The following PWWP3B variants were observed in gnomAD, a reference collection of about 807,000 sequenced individuals.
The protein encoded by PWWP3B is PWWP domain containing 3B, also known as PWWP domain-containing DNA repair factor 3B.
PWWP3B carries 5 observed loss-of-function variants against 15.7 expected under a neutral mutation model. The observed-to-expected ratio is 0.32, with a 90% confidence interval of 0.17 to 0.67. The LOEUF (loss-of-function observed/expected upper bound fraction) is 0.67. Ranked by LOEUF, PWWP3B falls within the 30% of genes least tolerant of loss-of-function variation. PWWP3B has a pLI of 0.74. For synonymous variants in PWWP3B, 203 were observed against 179.8 expected, an observed-to-expected ratio of 1.13 and a Z score of -1.03; for missense variants, 519 against 493.1, an observed-to-expected ratio of 1.05 and a Z score of -0.50.
chrX:106,183,397 G>A (rs933531557), intron 2 of PWWP3B, among the ~76,000 whole-genome samples: 3 of 111,538 alleles, frequency 2.7e-5, no homozygotes, highest in Non-Finnish European at 5.6e-5. Flanking sequence ...AAGTGGTGGG[G>A]TCTTTTAGCC....
intron 2 of PWWP3B, among the ~76,000 whole-genome samples, chrX:106,195,444 T>A (rs941002977): frequency 8.9e-5 from 10 of 111,976 alleles, no homozygotes; most frequent in African/African-American, 3.2e-4. Flanking sequence ...TACTTTTTTT[T>A]ACAAGTTATA....
At chrX:106,185,048 A>G (rs184416751) in intron 2 of PWWP3B, among the ~76,000 whole-genome samples, 4 of 111,874 alleles carry the variant, frequency 3.6e-5, no homozygotes, top group African/African-American at 6.5e-5. Context: ...TTCTCCTTCA[A>G]TGAAAAGAAA....
intron 2 of PWWP3B, among the ~76,000 whole-genome samples, chrX:106,173,320 C>T (rs1197412899): frequency 3.6e-5 from 4 of 111,796 alleles, no homozygotes; most frequent in Non-Finnish European, 5.6e-5. Flanking sequence ...CCACACAATT[C>T]CTTTTTTATT....
Position 106,207,296 on chromosome X carries a change from C to A in PWWP3B, c.1864C>A (p.Gln622Lys). ...ACAAGAAGTCTGCAATCAAATAGAT[C>A]AAATAATGCCAACTTGGATAAAAGA... is the stretch of plus-strand genomic sequence containing the variant. ...YLQEVCNQIDQIMPTWIKDDK... is the reference protein window; with the variant it reads ...YLQEVCNQIDKIMPTWIKDDK... The change falls in exon 4 of 4, where the codon CAA (glutamine) becomes AAA (lysine). Residue 622 changes from glutamine (Q) to lysine (K), a missense_variant. Gln to Lys is a moderately conservative substitution (Grantham distance 53). Transcript: ENST00000357175. The A allele has an allele frequency of 8.3e-7, 1 of 1,207,824 alleles. No individual in the cohort carries two copies. The highest frequency in any genetic ancestry group is 2.2e-5 in the Admixed American group (1 of 45,684).
At chrX:106,196,103 AAAAT>A (rs1207589251) in intron 2 of PWWP3B, among the ~76,000 whole-genome samples, 4 of 111,818 alleles carry the variant, frequency 3.6e-5, no homozygotes, top group Admixed American at 1.9e-4. Context: ...GTGTAGAAAT[AAAAT>A]AAATTATTTT....
At chrX:106,168,857 A>C (rs1395651597) in intron 1 of PWWP3B, among the ~76,000 whole-genome samples, 1 of 112,064 alleles carries the variant, frequency 8.9e-6, no homozygotes, top group African/African-American at 3.2e-5. Context: ...ATAACTGTGC[A>C]AATTCGAGTA....
rs1924005944 is a variant in PWWP3B at position 106,206,173 on chromosome X, G to C, written c.741G>C (p.Met247Ile). The change falls in exon 4 of 4, where the codon ATG becomes ATC. Residue 247 changes from methionine (M) to isoleucine (I), a missense_variant. Transcript: ENST00000357175. Reference protein sequence around the residue: ...APPLSPLSSDMLIMPKALKEE... With the variant: ...APPLSPLSSDILIMPKALKEE... ...CTTTGTCACCTTTGTCATCAGATAT[G>C]CTCATTATGCCCAAAGCTTTGAAAG... The C allele has an allele frequency of 2.5e-6, 3 of 1,206,924 alleles. No homozygotes were observed. In the Admixed American group the frequency reaches 6.6e-5, roughly 27 times the overall value.
chrX:106,207,573 GAA>G lies in PWWP3B; in HGVS notation c.*55_*56del, dbSNP rs1289839151. On this transcript the variant is annotated 3_prime_UTR_variant, in exon 4 of 4. Coordinates refer to ENST00000357175, the MANE Select transcript of PWWP3B (RefSeq NM_001171020.2). Reference sequence around the variant, plus strand: ...CAGGGAGCTCTCATAGATACTAGTTGAAAAAAGTCTCTGAACAATTCTCTCTA... The same window carrying G: ...CAGGGAGCTCTCATAGATACTAGTTGAAAAGTCTCTGAACAATTCTCTCTA... The G allele has an allele frequency of 9.4e-7, 1 of 1,068,661 alleles. No homozygotes were observed. The highest frequency in any genetic ancestry group is 1.2e-6 in the Non-Finnish European group (1 of 816,594). The allele number at this position is 1,068,661 out of a possible 1,213,427, so 88.1% of individuals were successfully genotyped here.
intron 2 of PWWP3B, chrX:106,177,334 G>A (rs1292573272): frequency 1.8e-5 from 2 of 112,644 alleles, no homozygotes; most frequent in African/African-American, 6.4e-5. Flanking sequence ...CATTTCAAGA[G>A]GCTGCAGCTG....
chrX:106,180,735 A>T (rs1198121391), intron 2 of PWWP3B, among the ~76,000 whole-genome samples: 1 of 112,252 alleles, frequency 8.9e-6, no homozygotes, highest in Admixed American at 9.4e-5. Context: ...TTTCTAACCT[A>T]TATCCAGATA....
chrX:106,187,300 C>T (rs1922575733), intron 2 of PWWP3B, among the ~76,000 whole-genome samples: 1 of 111,995 alleles, frequency 8.9e-6, no homozygotes, highest in Non-Finnish European at 1.9e-5. Context: ...GTGAGGTCCT[C>T]GTCAAACTTG....
rs182305110 is a variant in PWWP3B, at chrX:106,207,007, G to A, written c.1575G>A (p.Pro525=). 8 of 1,208,351 alleles carry A rather than the reference G, an allele frequency of 6.6e-6. No individual in the cohort carries two copies. The highest frequency in any genetic ancestry group is 5.2e-5 in the African/African-American group (3 of 57,264). ...PKLHNEDARE[P]MAVTSQTKKM... ...TGCATAATGAAGATGCCAGGGAACC[G>A]ATGGCTGTAACTTCCCAGACCAAGA... Residue 525 remains proline, a synonymous_variant, in exon 4 of 4, where the codon CCG becomes CCA. Coordinates refer to ENST00000357175, the MANE Select transcript of PWWP3B (RefSeq NM_001171020.2).
At position 106,205,275 on chromosome X, in the gene PWWP3B, G is replaced by T. The variant is rs1923926816; in HGVS notation, c.-158G>T. ...TGTTCAAGCATCCTTGGAAAATTGA[G>T]GTGGAGAACAGGCCACACAAGCTGT... On this transcript the variant is annotated 5_prime_UTR_variant, in exon 4 of 4. The change creates a new upstream start codon in the 5' untranslated region. Transcript: ENST00000357175. 4 of 425,386 alleles carry T rather than the reference G, an allele frequency of 9.4e-6. No individual in the cohort carries two copies. The highest frequency in any genetic ancestry group is 7.5e-5 in the African/African-American group (3 of 40,006). The allele number at this position is 425,386 out of a possible 1,213,427, so 35.1% of individuals were successfully genotyped here.
intron 2 of PWWP3B, among the ~76,000 whole-genome samples, chrX:106,203,632 A>T (rs775657137): frequency 8.9e-6 from 1 of 112,352 alleles, no homozygotes; most frequent in Non-Finnish European, 1.9e-5. Flanking sequence ...AAAAAATTGT[A>T]TGTGTAAAGA....
chrX:106,194,440 G>A (rs1404244205), intron 2 of PWWP3B, among the ~76,000 whole-genome samples: 7 of 111,170 alleles, frequency 6.3e-5, no homozygotes, highest in African/African-American at 2.0e-4. Flanking sequence ...TTATACATTC[G>A]TCTAATTTTT....
intron 2 of PWWP3B, among the ~76,000 whole-genome samples, chrX:106,189,577 G>T (rs1362441527): frequency 1.9e-5 from 2 of 107,903 alleles, no homozygotes; most frequent in African/African-American, 6.7e-5. Flanking sequence ...TTTTATGGCT[G>T]CATAGTATTC....
In PWWP3B at chrX:106,206,107, A is replaced by G; in HGVS notation, c.675A>G (p.Lys225=). Residue 225 remains lysine, a synonymous_variant, in exon 4 of 4, where the codon AAA becomes AAG. Coordinates refer to ENST00000357175, the MANE Select transcript of PWWP3B (RefSeq NM_001171020.2). ...SAVMSVHSAV[K]EESACVKDEK... ...TTATGTCTGTGCATTCTGCAGTCAA[A>G]GAGGAAAGTGCATGTGTTAAAGATG... 1 of 1,211,337 alleles carries G rather than the reference A, an allele frequency of 8.3e-7. No individual in the cohort carries two copies.
chrX:106,193,540 T>C (rs1271775287), intron 2 of PWWP3B, among the ~76,000 whole-genome samples: 1 of 111,828 alleles, frequency 8.9e-6, no homozygotes, highest in Non-Finnish European at 1.9e-5. Flanking sequence ...CCCATTTACA[T>C]TTAAAGTTAA....
chrX:106,175,309 C>T (rs1921839879), intron 2 of PWWP3B, among the ~76,000 whole-genome samples: 1 of 94,846 alleles, frequency 1.1e-5, no homozygotes, highest in East Asian at 3.5e-4. Context: ...GGCGCGATCT[C>T]GGCTCACTGC....
Sources: allele counts gnomAD v4.1 joint callset (sites outside exome capture counted in the v4.1 genomes callset), GRCh38; gene constraint gnomAD v4.1.1; transcripts MANE v1.5; gene names NCBI Gene and HGNC (gene_info 2026-07-23, HGNC 2026-07-21).